Variants in GLG1 observed in about 807,000 individuals in gnomAD.
The protein encoded by GLG1 is Golgi apparatus protein 1.
A neutral mutation model predicts 160.5 loss-of-function variants in GLG1; 38 were observed. The ratio of observed to expected loss-of-function variants is 0.24; its 90% CI spans 0.18 to 0.31. GLG1 has a LOEUF of 0.31. Ranked by LOEUF, GLG1 falls within the 10% of genes least tolerant of loss-of-function variation. The pLI, the probability that GLG1 is intolerant of heterozygous loss-of-function variation, is 1.00. For synonymous variants in GLG1, 644 were observed against 543.4 expected, an observed-to-expected ratio of 1.19 and a Z score of -2.57; for missense variants, 1,373 against 1,505.2, an observed-to-expected ratio of 0.91 and a Z score of 1.45.
chr16:74,540,619 A>T (rs2017835300), intron 1 of GLG1, among the ~76,000 whole-genome samples: 2 of 151,604 alleles, frequency 1.3e-5, no homozygotes, highest in Non-Finnish European at 2.9e-5. Flanking sequence ...ATGACAGTCT[A>T]CTATCTGAAA....
chr16:74,461,962 G>C, intron 22 of GLG1, 132 bp downstream of exon 22: 1 of 600,220 alleles, frequency 1.7e-6, no homozygotes, highest in South Asian at 2.0e-5. Context: ...TGCAGACCAT[G>C]GAGAGCCTAG....
chr16:74,471,850 C>G (rs2015218792), intron 14 of GLG1, among the ~76,000 whole-genome samples: 1 of 152,158 alleles, frequency 6.6e-6, no homozygotes, highest in Non-Finnish European at 1.5e-5. Flanking sequence ...CTGTTTTTAC[C>G]TACAAAAGCT....
At chr16:74,606,481 G>T (rs1053242005) in intron 1 of GLG1, among the ~76,000 whole-genome samples, 176 bp downstream of exon 1, 8 of 152,152 alleles carry the variant, frequency 5.3e-5, no homozygotes, top group Non-Finnish European at 8.8e-5. Context: ...AGAAGGAGTG[G>T]GAGTGGTATC....
At position 74,452,693 on chromosome 16, in the gene GLG1, C is replaced by T. The variant is rs974390763; in HGVS notation, c.*474G>A. The T allele has an allele frequency of 1.5e-5, 15 of 992,922 alleles. No homozygotes were observed. The Admixed American group carries it at 6.8e-4, about 45-fold the overall frequency. 61.5% of individuals were successfully genotyped at this position (992,922 alleles called of 1,614,324 possible). A position where few individuals can be genotyped will look rare whatever the true frequency, so the allele number is the denominator to read the frequency against. ...CAGTCATGGCACACTGGGTGGTGTG[C>T]TTCCCCTCCAAGTCCTGTCTTTGTT... On this transcript the variant is annotated 3_prime_UTR_variant, in exon 26 of 26. Transcript: ENST00000422840.
intron 1 of GLG1, among the ~76,000 whole-genome samples, chr16:74,601,955 C>A (rs771694252): frequency 6.6e-6 from 1 of 152,074 alleles, no homozygotes; most frequent in Non-Finnish European, 1.5e-5. Context: ...CTCTTTGAGC[C>A]TATTTCTCTG....
intron 6 of GLG1, among the ~76,000 whole-genome samples, 179 bp from the exon 7 acceptor site, chr16:74,493,319 T>C (rs1045929115): frequency 6.6e-6 from 1 of 152,232 alleles, no homozygotes; most frequent in African/African-American, 2.4e-5. Flanking sequence ...TAGTGTGGCA[T>C]GAGACAGGGG....
intron 1 of GLG1, among the ~76,000 whole-genome samples, chr16:74,559,239 G>A (rs8049138): frequency 0.73 from 110,466 of 151,498 alleles, 40,735 homozygotes; most frequent in African/African-American, 0.84. Flanking sequence ...TTTACTATCA[G>A]AAGTAATCCT....
intron 19 of GLG1, 117 bp downstream of exon 19, chr16:74,465,559 G>A: frequency 2.0e-6 from 2 of 1,000,968 alleles, no homozygotes; most frequent in Non-Finnish European, 3.0e-6. Flanking sequence ...TGCTGCTGCT[G>A]CTGCTCGTCT....
At chr16:74,480,544 T>C (rs1257734672) in intron 10 of GLG1, 150 bp from the exon 11 acceptor site, 1 of 549,454 alleles carries the variant, frequency 1.8e-6, no homozygotes, top group African/African-American at 1.9e-5. Flanking sequence ...AGTATATTCC[T>C]GAATTTTGTT....
chr16:74,463,861 C>T (rs1481391089), intron 19 of GLG1: 1 of 194,428 alleles, frequency 5.1e-6, no homozygotes, highest in Admixed American at 5.5e-5. Context: ...AGGCATGAGC[C>T]ACCACGCCTG....
chr16:74,492,887 A>C, intron 7 of GLG1, 70 bp downstream of exon 7: 1 of 876,208 alleles, frequency 1.1e-6, no homozygotes, highest in Non-Finnish European at 1.7e-6. Flanking sequence ...ACGTTTATAT[A>C]TATAAAGCTT....
At chr16:74,546,053 A>G (rs948066847) in intron 1 of GLG1, among the ~76,000 whole-genome samples, 1 of 152,228 alleles carries the variant, frequency 6.6e-6, no homozygotes, top group African/African-American at 2.4e-5. Context: ...CTACATTACT[A>G]TAATTCTTTC....
At chr16:74,558,682 T>C (rs2018418342) in intron 1 of GLG1, among the ~76,000 whole-genome samples, 1 of 152,216 alleles carries the variant, frequency 6.6e-6, no homozygotes, top group African/African-American at 2.4e-5. Context: ...TGTAACTTAT[T>C]TCTTACCCCC....
chr16:74,473,886 G>C (rs771702358), intron 13 of GLG1, among the ~76,000 whole-genome samples: 4 of 152,140 alleles, frequency 2.6e-5, no homozygotes, highest in Non-Finnish European at 5.9e-5. Context: ...CTAAAAGAGC[G>C]AGGGATGAGA....
chr16:74,524,200 C>T (rs1476791976), intron 2 of GLG1, among the ~76,000 whole-genome samples: 2 of 151,872 alleles, frequency 1.3e-5, no homozygotes, highest in Non-Finnish European at 1.5e-5. Context: ...CAGAGCGACA[C>T]TTCATCTCAA....
intron 1 of GLG1, among the ~76,000 whole-genome samples, chr16:74,587,157 C>T (rs138056182): frequency 2.2e-4 from 34 of 152,234 alleles, no homozygotes; most frequent in East Asian, 1.2e-3. Context: ...CAATATATGA[C>T]GTAACCTTCA....
At chr16:74,535,265 A>C (rs1253961138) in intron 1 of GLG1, among the ~76,000 whole-genome samples, 3 of 152,270 alleles carry the variant, frequency 2.0e-5, no homozygotes, top group Non-Finnish European at 4.4e-5. Context: ...CTATGATCTA[A>C]AATTAGTGAA....
At chr16:74,565,776 G>T (rs1178131855) in intron 1 of GLG1, among the ~76,000 whole-genome samples, 1 of 152,210 alleles carries the variant, frequency 6.6e-6, no homozygotes, top group Non-Finnish European at 1.5e-5. Flanking sequence ...AAATTTGTCT[G>T]AAGTTTTTCT....
At chr16:74,546,822 A>AGTGAGAC (rs2018059933) in intron 1 of GLG1, among the ~76,000 whole-genome samples, 1 of 108,562 alleles carries the variant, frequency 9.2e-6, no homozygotes, top group Non-Finnish European at 1.8e-5. Context: ...TGGGCGACAG[A>AGTGAGAC]GTGAGACTCC....
Sources: gnomAD v4.1 joint callset for allele counts (sites outside exome capture counted in the v4.1 genomes callset) on GRCh38, gnomAD v4.1.1 for gene constraint, MANE v1.5 for transcripts, NCBI Gene and HGNC (gene_info 2026-07-23, HGNC 2026-07-21) for gene names.